The following AGMO variants were observed in gnomAD, a reference collection of about 807,000 sequenced individuals.
The protein encoded by AGMO is glyceryl-ether monooxygenase.
A neutral mutation model predicts 60.2 loss-of-function variants in AGMO; 75 were observed. The ratio of observed to expected loss-of-function variants is 1.25; its 90% confidence interval spans 1.03 to 1.51. The LOEUF (loss-of-function observed/expected upper bound fraction) is 1.51, where lower values mean the gene tolerates loss of function less well. Among genes scored for constraint, AGMO ranks in the 40% most tolerant of loss-of-function variants. The pLI, the probability that AGMO is intolerant of heterozygous loss-of-function variation, is 0.00. For missense variants in AGMO, 763 were observed against 525.5 expected, an observed-to-expected ratio of 1.45 and a Z score of -4.42; for synonymous variants, 261 against 177.1, an observed-to-expected ratio of 1.47 and a Z score of -3.76.
chr7:15,437,809 A>C (rs145800313), intron 3 of AGMO, among the ~76,000 whole-genome samples: 13,991 of 152,058 alleles, frequency 0.092, 781 homozygotes, highest in South Asian at 0.15. Context: ...CAAAGTGCTG[A>C]GATTACAGGC....
At chr7:15,333,228 A>C (rs944021409) in intron 12 of AGMO, among the ~76,000 whole-genome samples, 5 of 152,156 alleles carry the variant, frequency 3.3e-5, no homozygotes, top group African/African-American at 1.2e-4. Context: ...TTTTAAAGTT[A>C]AATGCAAAAT....
At chr7:15,121,809 G>A in the AGMO span, among the ~76,000 whole-genome samples, 2 of 152,094 alleles carry the variant, frequency 1.3e-5, no homozygotes, top group Non-Finnish European at 2.9e-5. Context: ...AACAAGCAAC[G>A]GGGAAAGGAT....
chr7:15,379,202 C>G (rs1281032384), intron 10 of AGMO, among the ~76,000 whole-genome samples: 1 of 151,866 alleles, frequency 6.6e-6, no homozygotes, highest in Non-Finnish European at 1.5e-5. Context: ...AGTATCACGA[C>G]TAAATAACTA....
intron 12 of AGMO, among the ~76,000 whole-genome samples, chr7:15,360,907 C>G (rs1199540815): frequency 6.6e-6 from 1 of 150,704 alleles, no homozygotes; most frequent in African/African-American, 2.5e-5. Flanking sequence ...GGTTATGATC[C>G]TCATGAAAAT....
chr7:15,419,615 C>T (rs922458648), intron 4 of AGMO, among the ~76,000 whole-genome samples: 4 of 151,738 alleles, frequency 2.6e-5, no homozygotes, highest in Non-Finnish European at 5.9e-5. Flanking sequence ...ATGTAAAACT[C>T]GTCTAGTTCT....
At chr7:15,394,010 G>C in intron 6 of AGMO, 103 bp downstream of exon 6, 1 of 660,654 alleles carries the variant, frequency 1.5e-6, no homozygotes, top group South Asian at 1.5e-5. Context: ...TGTAAAATGT[G>C]TGCTGACTAT....
the AGMO span, among the ~76,000 whole-genome samples, chr7:15,137,786 A>C: frequency 6.6e-6 from 1 of 152,194 alleles, no homozygotes; most frequent in Non-Finnish European, 1.5e-5. Flanking sequence ...GAATGTTTTT[A>C]AGCTAGGGAG....
intron 12 of AGMO, among the ~76,000 whole-genome samples, chr7:15,243,247 T>C (rs1313808139): frequency 6.6e-6 from 1 of 152,138 alleles, no homozygotes; most frequent in East Asian, 1.9e-4. Context: ...TTTATAGAGC[T>C]GGGTGGTAAA....
intron 12 of AGMO, among the ~76,000 whole-genome samples, chr7:15,356,679 T>C (rs1158188468): frequency 6.6e-6 from 1 of 151,980 alleles, no homozygotes; most frequent in Non-Finnish European, 1.5e-5. Context: ...TTATTTAGAA[T>C]GGTGTTTATT....
chr7:15,396,626 T>TC (rs1213190882), intron 5 of AGMO: 1 of 132,656 alleles, frequency 7.5e-6, no homozygotes, highest in East Asian at 2.2e-4. Context: ...CCCCGCCCCC[T>TC]CCCCCACACA....
chr7:15,389,622 G>A (rs904039906), intron 8 of AGMO, among the ~76,000 whole-genome samples: 1 of 152,160 alleles, frequency 6.6e-6, no homozygotes, highest in African/African-American at 2.4e-5. Flanking sequence ...ACGTAAAGAG[G>A]CAGCACTGTG....
rs36124819 is a variant in AGMO, at chr7:15,357,190, CGTGTGTGT to C, written c.1263+8316_1263+8323del. On this transcript the variant is annotated intron_variant, in intron 12 of 12. Coordinates refer to ENST00000342526, the MANE Select transcript of AGMO (RefSeq NM_001004320.2). The stretch of plus-strand genomic sequence containing the variant: ...AAAATTGCTCTATACTATGAATATT[CGTGTGTGT>C]GTGTGTGTGTGTGTGTGTGTGTGTG... Among the ~76,000 whole-genome samples, 1,332 of 144,452 alleles carry C rather than the reference CGTGTGTGT, an allele frequency of 9.2e-3. 7 individuals are homozygous for C. Among genetic ancestry groups the C allele is most frequent in the Middle Eastern group, 0.011 (3 of 284 alleles). 94.8% of individuals were successfully genotyped at this position (144,452 alleles called of 152,430 possible).
At chr7:15,379,396 A>G (rs2128570814) in intron 10 of AGMO, among the ~76,000 whole-genome samples, 1 of 152,198 alleles carries the variant, frequency 6.6e-6, no homozygotes, top group South Asian at 2.1e-4. Context: ...GAAACAGAAG[A>G]TTCAAATAAA....
At chr7:15,470,493 T>C (rs1440556187) in intron 3 of AGMO, among the ~76,000 whole-genome samples, 1 of 151,972 alleles carries the variant, frequency 6.6e-6, no homozygotes, top group African/African-American at 2.4e-5. Context: ...ACTTCAAGTA[T>C]TCATAATTAG....
At chr7:15,306,958 C>A (rs979469204) in intron 12 of AGMO, among the ~76,000 whole-genome samples, 17 of 151,700 alleles carry the variant, frequency 1.1e-4, no homozygotes, top group African/African-American at 3.9e-4. Flanking sequence ...ATCATTAAAG[C>A]ATACTGAATT....
At chr7:15,309,573 A>G (rs1376764212) in intron 12 of AGMO, among the ~76,000 whole-genome samples, 1 of 152,154 alleles carries the variant, frequency 6.6e-6, no homozygotes, top group Non-Finnish European at 1.5e-5. Flanking sequence ...ATTTTTAAAG[A>G]GATATGCAAA....
chr7:15,222,177 A>G (rs988303373), intron 12 of AGMO, among the ~76,000 whole-genome samples: 1 of 152,136 alleles, frequency 6.6e-6, no homozygotes, highest in Non-Finnish European at 1.5e-5. Context: ...AGAAGAGTTA[A>G]TATTTCTGAA....
intron 12 of AGMO, among the ~76,000 whole-genome samples, chr7:15,341,791 G>A (rs1781856778): frequency 6.6e-6 from 1 of 152,124 alleles, no homozygotes; most frequent in Non-Finnish European, 1.5e-5. Context: ...ATGGCAGAAG[G>A]CAAAGGAGGA....
intron 12 of AGMO, among the ~76,000 whole-genome samples, chr7:15,219,039 A>C (rs1583300990): frequency 1.3e-5 from 2 of 152,194 alleles, no homozygotes; most frequent in South Asian, 2.1e-4. Context: ...TAGATAAGAG[A>C]AAGTATTGTA....
Sources: allele counts gnomAD v4.1 joint callset (sites outside exome capture counted in the v4.1 genomes callset), GRCh38; gene constraint gnomAD v4.1.1; transcripts MANE v1.5; gene names NCBI Gene and HGNC (gene_info 2026-07-23, HGNC 2026-07-21).